The following SORBS2 variants were observed in gnomAD, a reference collection of about 807,000 sequenced individuals.
SORBS2 encodes sorbin and SH3 domain-containing protein 2.
A neutral mutation model predicts 97.7 loss-of-function variants in SORBS2; 46 were observed. The observed-to-expected ratio is 0.47, with a 90% confidence interval of 0.37 to 0.60. The LOEUF is 0.60. Among genes scored for constraint, SORBS2 ranks in the 20% least tolerant of loss-of-function variants. The pLI is 0.00. For synonymous variants in SORBS2, 476 were observed against 473.4 expected, an observed-to-expected ratio of 1.01 and a Z score of -0.07; for missense variants, 1,316 against 1,282.3, an observed-to-expected ratio of 1.03 and a Z score of -0.40.
intron 1 of SORBS2, among the ~76,000 whole-genome samples, chr4:185,946,720 A>C (rs2099274715): frequency 6.6e-6 from 1 of 152,250 alleles, no homozygotes; most frequent in Non-Finnish European, 1.5e-5. Context: ...CTTAATGTAC[A>C]TCTGAACCTA....
chr4:185,867,832 A>G (rs775998279), intron 1 of SORBS2, among the ~76,000 whole-genome samples: 1 of 152,092 alleles, frequency 6.6e-6, no homozygotes, highest in Non-Finnish European at 1.5e-5. Flanking sequence ...GAGTCCCCAG[A>G]GAGGCTGGGG....
intron 1 of SORBS2, among the ~76,000 whole-genome samples, chr4:185,902,908 T>C (rs563089955): frequency 6.6e-6 from 1 of 152,302 alleles, no homozygotes; most frequent in South Asian, 2.1e-4. Flanking sequence ...AAAGCTCTGT[T>C]CTGACGTCAT....
intron 13 of SORBS2, among the ~76,000 whole-genome samples, chr4:185,590,538 G>T (rs1213391280): frequency 1.3e-5 from 2 of 152,086 alleles, no homozygotes; most frequent in Non-Finnish European, 2.9e-5. Flanking sequence ...TTTTTAAAAT[G>T]AGTCCCAGAA....
chr4:185,953,932 T>G (rs1420333065), intron 1 of SORBS2, among the ~76,000 whole-genome samples: 1 of 152,254 alleles, frequency 6.6e-6, no homozygotes, highest in African/African-American at 2.4e-5. Flanking sequence ...TGGTCCATTA[T>G]CTCATGCCTG....
At chr4:185,649,409 TG>T in intron 3 of SORBS2, 57 bp downstream of exon 12, 1 of 1,382,252 alleles carries the variant, frequency 7.2e-7, no homozygotes, top group Non-Finnish European at 9.7e-7. Flanking sequence ...CTGAATGCCA[TG>T]TAGACTTATT....
In SORBS2 at chr4:185,860,652, A is replaced by G. The variant is rs149271180; in HGVS notation, c.-337-85286T>C. 9.2e-3 allele frequency among the ~76,000 whole-genome samples: 1,406 copies of G among 152,258 alleles called. 21 individuals carry two copies. Among genetic ancestry groups the G allele is most frequent in the African/African-American group, 0.031 (1,305 of 41,540 alleles). The stretch of plus-strand genomic sequence containing the variant: ...GGTGGCTGGGCTACAGCTTGGTTTT[A>G]TACATTTTAGGGAGACATAAGACAT... On this transcript the variant is annotated intron_variant, in intron 1 of 20. Coordinates refer to the SORBS2 transcript ENST00000284776.
intron 2 of SORBS2, chr4:185,771,294 C>T (rs1262518938): frequency 6.6e-6 from 1 of 152,116 alleles, no homozygotes; most frequent in Admixed American, 6.6e-5. Context: ...CCAAGCCTAT[C>T]CTTCCCCTTT....
chr4:185,953,709 A>G (rs1158548383), intron 1 of SORBS2, among the ~76,000 whole-genome samples: 5 of 152,224 alleles, frequency 3.3e-5, no homozygotes, highest in Non-Finnish European at 7.3e-5. Flanking sequence ...AGGAGTAATC[A>G]TGTCAACTCC....
chr4:185,878,036 T>C (rs894681515), intron 1 of SORBS2, among the ~76,000 whole-genome samples: 3 of 152,158 alleles, frequency 2.0e-5, no homozygotes, highest in African/African-American at 7.2e-5. Flanking sequence ...TCCACGGCTG[T>C]TAAAAGCCTT....
intron 2 of SORBS2, among the ~76,000 whole-genome samples, chr4:185,679,628 A>G (rs2097843766): frequency 6.6e-6 from 1 of 152,158 alleles, no homozygotes; most frequent in South Asian, 2.1e-4. Context: ...ATTAAAGCAC[A>G]TGGTCAACTT....
intron 2 of SORBS2, among the ~76,000 whole-genome samples, chr4:185,701,186 T>G (rs1366524668): frequency 2.0e-5 from 3 of 152,232 alleles, no homozygotes; most frequent in Non-Finnish European, 2.9e-5. Context: ...TCAACACTCT[T>G]TCTTTTATCT....
At chr4:185,647,202 G>A (rs1171632479) in intron 3 of SORBS2, among the ~76,000 whole-genome samples, 2 of 152,140 alleles carry the variant, frequency 1.3e-5, no homozygotes, top group Non-Finnish European at 2.9e-5. Flanking sequence ...GTGGGTTGGC[G>A]TGCACCAGAG....
chr4:185,685,582 A>G (rs965147496), intron 2 of SORBS2, among the ~76,000 whole-genome samples: 3 of 152,104 alleles, frequency 2.0e-5, no homozygotes, highest in African/African-American at 4.8e-5. Context: ...CCCAGGCTGG[A>G]GTGCAGTGGT....
intron 4 of SORBS2, among the ~76,000 whole-genome samples, chr4:185,670,937 G>A (rs2097703677): frequency 6.6e-6 from 1 of 152,182 alleles, no homozygotes; most frequent in Admixed American, 6.5e-5. Flanking sequence ...TCAGGTAGCT[G>A]TCGGGTACCC....
intron 1 of SORBS2, among the ~76,000 whole-genome samples, chr4:185,925,803 A>G (rs1353417719): frequency 1.3e-5 from 2 of 152,184 alleles, no homozygotes; most frequent in African/African-American, 2.4e-5. Context: ...AATTTTAATT[A>G]CAAAACATAT....
At chr4:185,928,778 C>T (rs1274928888) in intron 1 of SORBS2, among the ~76,000 whole-genome samples, 1 of 152,132 alleles carries the variant, frequency 6.6e-6, no homozygotes. Context: ...GATCTCCTGA[C>T]CTCGTGATCC....
intron 11 of SORBS2, among the ~76,000 whole-genome samples, chr4:185,612,735 C>T (rs2096561143): frequency 6.6e-6 from 1 of 152,158 alleles, no homozygotes; most frequent in South Asian, 2.1e-4. Flanking sequence ...AGTGATCTGA[C>T]CGCCTCGGCC....
chr4:185,806,717 C>T (rs1256943254), intron 1 of SORBS2, among the ~76,000 whole-genome samples: 1 of 152,064 alleles, frequency 6.6e-6, no homozygotes, highest in Non-Finnish European at 1.5e-5. Context: ...CTCGGCCTCC[C>T]AAAGTGCTGG....
At chr4:185,645,136 T>C (rs948496707) in intron 4 of SORBS2, among the ~76,000 whole-genome samples, 1 of 152,200 alleles carries the variant, frequency 6.6e-6, no homozygotes, top group East Asian at 1.9e-4. Flanking sequence ...TCCTGTTTCC[T>C]GACACCACGG....
Sources: allele counts gnomAD v4.1 joint callset (sites outside exome capture counted in the v4.1 genomes callset), GRCh38; gene constraint gnomAD v4.1.1; transcripts MANE v1.5; gene names NCBI Gene and HGNC (gene_info 2026-07-23, HGNC 2026-07-21).